PCDHGA3: variants seen among roughly 807,000 people sequenced by gnomAD.
PCDHGA3 encodes the protein protocadherin gamma-A3.
In PCDHGA3, 40 loss-of-function variants were observed where a neutral mutation model predicts 58.5. That is an observed-to-expected ratio of 0.68 (90% CI 0.53 to 0.89). PCDHGA3 has a LOEUF of 0.89. Among genes scored for constraint, PCDHGA3 ranks in the 40% least tolerant of loss-of-function variants. The pLI is 0.00. For missense variants in PCDHGA3, 1,223 were observed against 1,195.9 expected, an observed-to-expected ratio of 1.02 and a Z score of -0.33; for synonymous variants, 530 against 525.7, an observed-to-expected ratio of 1.01 and a Z score of -0.11.
chr5:141,366,040 C>G (rs752624619), intron 1 of PCDHGA3: 1 of 1,614,264 alleles, frequency 6.2e-7, no homozygotes, highest in Non-Finnish European at 8.5e-7. Context: ...TCCCCACAGA[C>G]GGTTCCACGG....
chr5:141,362,458 G>T (rs1762514954), intron 1 of PCDHGA3: 2 of 1,614,038 alleles, frequency 1.2e-6, no homozygotes, highest in Non-Finnish European at 1.7e-6. Flanking sequence ...CCCGGAATTG[G>T]TTCCCGCGCA....
chr5:141,370,226 A>T, intron 1 of PCDHGA3: 1 of 580,190 alleles, frequency 1.7e-6, no homozygotes, highest in East Asian at 2.9e-5. Flanking sequence ...CGCTGCAGCC[A>T]GCTCGGAAGA....
chr5:141,364,378 C>T (rs1453338344), intron 1 of PCDHGA3: 2 of 1,578,948 alleles, frequency 1.3e-6, no homozygotes, highest in Admixed American at 1.9e-5. Context: ...TGCTGCTGCC[C>T]TTCATGCTCC....
Position 141,344,379 on chromosome 5 carries a change from A to C in PCDHGA3, c.346A>C (p.Ile116Leu). The C allele has an allele frequency of 5.0e-6, 8 of 1,613,106 alleles. No individual in the cohort carries two copies. Among genetic ancestry groups the C allele is most frequent in the Non-Finnish European group, 5.9e-6 (7 of 1,179,586 alleles). The change falls in exon 1 of 4, where the codon ATT (isoleucine) becomes CTT (leucine). Residue 116 changes from isoleucine to leucine, a missense_variant. Around this residue, in one of 3 missense-constraint regions of PCDHGA3, gnomAD observed 791 missense variants for 708.5 expected, o/e 1.12. Coordinates refer to ENST00000253812, the MANE Select transcript of PCDHGA3 (RefSeq NM_018916.4). Reference sequence around the variant, plus strand: ...CATTCTGGTTGAGGATAAATTGAAAATTTTTGAAGTAGAAATAGAAATTAA... The same window carrying C: ...CATTCTGGTTGAGGATAAATTGAAACTTTTTGAAGTAGAAATAGAAATTAA... ...INILVEDKLK[I>L]FEVEIEIKDI...
Position 141,345,892 on chromosome 5 carries a change from G to C in PCDHGA3, c.1859G>C (p.Gly620Ala), listed in dbSNP as rs754807832. 5 of 1,612,356 alleles carry C rather than the reference G, an allele frequency of 3.1e-6. No individual in the cohort carries two copies. Among genetic ancestry groups the C allele is most frequent in the Non-Finnish European group, 4.2e-6 (5 of 1,179,556 alleles). The change falls in exon 1 of 4, where the codon GGT (glycine) becomes GCT (alanine). Residue 620 changes from glycine (G) to alanine (A), a missense_variant. Coordinates refer to ENST00000253812, the MANE Select transcript of PCDHGA3 (RefSeq NM_018916.4). ...AGCGAGCCGGGACTCTTCTCGGTGG[G>C]TCTGCACACGGGCGAGGTGCGCACG... is the stretch of plus-strand genomic sequence containing the variant. Reference protein sequence around the residue: ...KASEPGLFSVGLHTGEVRTAR... With the variant: ...KASEPGLFSVALHTGEVRTAR...
At chr5:141,433,208 C>T (rs780155661) in intron 1 of PCDHGA3, 90 of 1,293,816 alleles carry the variant, frequency 7.0e-5, no homozygotes, top group Middle Eastern at 5.9e-4. Flanking sequence ...AATCTTCTTT[C>T]TTTTTTTTTT....
chr5:141,485,503 C>T lies in PCDHGA3; in HGVS notation c.2425-9304C>T, dbSNP rs1057374827. The T allele has an allele frequency of 5.0e-6, 8 of 1,614,096 alleles. No homozygotes were observed. The highest frequency in any genetic ancestry group is 6.8e-6 in the Non-Finnish European group (8 of 1,180,008). On this transcript the variant is annotated intron_variant, in intron 1 of 3. Coordinates refer to ENST00000253812, the MANE Select transcript of PCDHGA3 (RefSeq NM_018916.4). This position sits in a 1 kb window ranked among gnomAD's most constrained non-coding sequence, Gnocchi z 5.7. ...GCATCGTGCCCCTGGAGTTTGTCAC[C>T]GAAGGTCCTTTGGAAATGTACCGAG...
chr5:141,344,701 C>G lies in PCDHGA3; in HGVS notation c.668C>G (p.Ser223Cys), dbSNP rs1757457435. 6.2e-7 allele frequency: 1 copy of G among 1,613,998 alleles called. No homozygotes were observed. Among genetic ancestry groups the G allele is most frequent in the African/African-American group, 1.3e-5 (1 of 75,038 alleles). The change falls in exon 1 of 4, where the codon TCT (serine) becomes TGT (cysteine). Residue 223 changes from serine to cysteine, a missense_variant. Ser to Cys is a moderately radical substitution (Grantham distance 112). This residue lies in a region of PCDHGA3 where 791 missense variants were observed against 708.5 expected (regional missense o/e 1.12). Transcript: ENST00000253812. ...TCTGATGGTGGCGACCCTGTCCACT[C>G]TGGCAACTTGCACATCCAAGTGATA... is the stretch of plus-strand genomic sequence containing the variant. ...VASDGGDPVH[S>C]GNLHIQVIVL...
At chr5:141,375,308 G>T (rs761294258) in intron 1 of PCDHGA3, 24 of 1,613,722 alleles carry the variant, frequency 1.5e-5, no homozygotes, top group Non-Finnish European at 8.5e-7. Flanking sequence ...GACAAATGCA[G>T]CTCTAGACCG....
chr5:141,415,020 C>T, intron 1 of PCDHGA3: 2 of 1,613,560 alleles, frequency 1.2e-6, no homozygotes, highest in Non-Finnish European at 1.7e-6. Context: ...TGCTCAAGGC[C>T]AGCGAGCCGG....
In PCDHGA3 at chr5:141,345,417, C is replaced by G. The variant is rs1306894195; in HGVS notation, c.1384C>G (p.Pro462Ala). 6.2e-7 allele frequency: 1 copy of G among 1,614,100 alleles called. No individual in the cohort carries two copies. Among genetic ancestry groups the G allele is most frequent in the South Asian group, 1.1e-5 (1 of 91,074 alleles). ...TCATTTATCCTACTCCGCCTACATT[C>G]CAGAAAACAACCCCAGAGGAGCCTC... Reference protein sequence around the residue: ...FPHLSYSAYIPENNPRGASIF... With the variant: ...FPHLSYSAYIAENNPRGASIF... The change falls in exon 1 of 4, where the codon CCA (proline) becomes GCA (alanine). Residue 462 changes from proline to alanine, a missense_variant. By Grantham distance (27) the Pro-to-Ala change is conservative (BLOSUM62 -1). Around this residue, in one of 3 missense-constraint regions of PCDHGA3, gnomAD observed 791 missense variants for 708.5 expected, o/e 1.12. Coordinates refer to ENST00000253812, the MANE Select transcript of PCDHGA3 (RefSeq NM_018916.4).
At chr5:141,400,796 A>G (rs2094076929) in intron 1 of PCDHGA3, 1 of 559,742 alleles carries the variant, frequency 1.8e-6, no homozygotes. Context: ...CCTCTTTCTC[A>G]AAGCTAATGA....
chr5:141,385,665 A>G (rs2090316911), intron 1 of PCDHGA3: 1 of 462,016 alleles, frequency 2.2e-6, no homozygotes, highest in Admixed American at 5.1e-5. Flanking sequence ...AGCAGGAATA[A>G]AACACACCTC....
At chr5:141,357,084 C>T (rs1399515564) in intron 1 of PCDHGA3, 4 of 1,613,912 alleles carry the variant, frequency 2.5e-6, no homozygotes, top group South Asian at 2.2e-5. Flanking sequence ...AGGTGCGCAC[C>T]GCACGGGCCC....
chr5:141,455,795 C>T (rs1251703490), intron 1 of PCDHGA3, among the ~76,000 whole-genome samples: 1 of 151,960 alleles, frequency 6.6e-6, no homozygotes, highest in African/African-American at 2.4e-5. Flanking sequence ...TCCGGAGATG[C>T]TTTAAAAAAT....
chr5:141,485,214 G>T lies in PCDHGA3; in HGVS notation c.2425-9593G>T. 6.2e-7 allele frequency: 1 copy of T among 1,614,164 alleles called. No individual in the cohort carries two copies. The highest frequency in any genetic ancestry group is 8.5e-7 in the Non-Finnish European group (1 of 1,179,996). On this transcript the variant is annotated intron_variant, in intron 1 of 3. Transcript: ENST00000253812. This position sits in a 1 kb window ranked among gnomAD's most constrained non-coding sequence, Gnocchi z 5.7. ...AGAAGCTGGACAGAAATCTGGCGGT[G>T]GGCTACCCTTTTGTTCCTCTTTTAC...
At chr5:141,381,975 G>A (rs1408994703) in intron 1 of PCDHGA3, among the ~76,000 whole-genome samples, 4 of 151,294 alleles carry the variant, frequency 2.6e-5, no homozygotes, top group South Asian at 2.1e-4. Flanking sequence ...GATTACAGGC[G>A]CGCGCCACCA....
chr5:141,394,760 T>C (rs374519404), intron 1 of PCDHGA3: 68 of 1,613,366 alleles, frequency 4.2e-5, no homozygotes, highest in Middle Eastern at 3.3e-4. Flanking sequence ...TCCAGGACCA[T>C]GGCCAGCCCC....
At chr5:141,374,350 G>A in intron 1 of PCDHGA3, 1 of 1,614,038 alleles carries the variant, frequency 6.2e-7, no homozygotes, top group Non-Finnish European at 8.5e-7. Flanking sequence ...CCGCGGGTAG[G>A]ATAGACCGCG....
Sources: gnomAD v4.1 joint callset for allele counts (sites outside exome capture counted in the v4.1 genomes callset) on GRCh38, gnomAD v4.1.1 for gene constraint, gnomAD v4.1.1 regional missense constraint, Gnocchi (gnomAD v3.1) non-coding constraint, MANE v1.5 for transcripts, NCBI Gene and HGNC (gene_info 2026-07-23, HGNC 2026-07-21) for gene names.